Variants in PCDH7 observed in about 807,000 individuals in gnomAD.
PCDH7 encodes protocadherin-7.
A neutral mutation model predicts 58.9 loss-of-function variants in PCDH7; 17 were observed. The observed-to-expected ratio is 0.29, with a 90% CI of 0.20 to 0.43. The LOEUF is 0.43. PCDH7 is among the 20% of genes least tolerant of loss of function. PCDH7 has a pLI of 1.00. For missense variants in PCDH7, 1,274 were observed against 1,441.0 expected, an observed-to-expected ratio of 0.88 and a Z score of 1.88; for synonymous variants, 664 against 616.4, an observed-to-expected ratio of 1.08 and a Z score of -1.14.
intron 1 of PCDH7, among the ~76,000 whole-genome samples, chr4:30,750,625 A>G (rs1718383866): frequency 6.6e-6 from 1 of 152,182 alleles, no homozygotes; most frequent in Admixed American, 6.5e-5. Flanking sequence ...TTTGCTCACC[A>G]TAATAAAACA....
At chr4:31,086,050 AG>A (rs1403426670) in intron 3 of PCDH7, among the ~76,000 whole-genome samples, 1 of 152,178 alleles carries the variant, frequency 6.6e-6, no homozygotes, top group African/African-American at 2.4e-5. Flanking sequence ...CAGGAAACTG[AG>A]GGCTTTGAAT....
intron 1 of PCDH7, among the ~76,000 whole-genome samples, chr4:30,912,489 G>T (rs1428134239): frequency 6.6e-6 from 1 of 152,118 alleles, no homozygotes; most frequent in African/African-American, 2.4e-5. Flanking sequence ...CTGTTTGATG[G>T]ACATAACTAA....
chr4:30,763,390 C>A (rs905062414), intron 1 of PCDH7, among the ~76,000 whole-genome samples: 1 of 152,084 alleles, frequency 6.6e-6, no homozygotes, highest in Non-Finnish European at 1.5e-5. Flanking sequence ...GATGATTCAC[C>A]ACAGTGATCT....
chr4:31,079,672 A>C (rs569922122), intron 3 of PCDH7, among the ~76,000 whole-genome samples: 1 of 151,964 alleles, frequency 6.6e-6, no homozygotes, highest in African/African-American at 2.4e-5. Context: ...ATCACATCCC[A>C]TAACACATTA....
At chr4:30,864,432 A>AACACACACAC (rs5857208) in intron 1 of PCDH7, among the ~76,000 whole-genome samples, 10,126 of 146,568 alleles carry the variant, frequency 0.069, 399 homozygotes, top group Non-Finnish European at 0.091. Context: ...ATTATTGGAG[A>AACACACACAC]ACACACACAC....
chr4:30,756,300 C>T (rs1454451853), intron 1 of PCDH7, among the ~76,000 whole-genome samples: 1 of 152,028 alleles, frequency 6.6e-6, no homozygotes, highest in African/African-American at 2.4e-5. Flanking sequence ...ATGACCCAGA[C>T]ACCTCCCACT....
At chr4:30,908,036 G>C (rs1395247614) in intron 1 of PCDH7, among the ~76,000 whole-genome samples, 1 of 152,068 alleles carries the variant, frequency 6.6e-6, no homozygotes, top group Non-Finnish European at 1.5e-5. Flanking sequence ...ACTTGTAGGT[G>C]GGAGTTAAAC....
chr4:30,984,850 A>G (rs1169054091), intron 3 of PCDH7, among the ~76,000 whole-genome samples: 2 of 152,188 alleles, frequency 1.3e-5, no homozygotes, highest in Non-Finnish European at 2.9e-5. Flanking sequence ...AAATATGTGT[A>G]AAGAGAAATG....
chr4:30,781,859 T>G (rs2109289743), intron 1 of PCDH7, among the ~76,000 whole-genome samples: 1 of 152,256 alleles, frequency 6.6e-6, no homozygotes, highest in Admixed American at 6.5e-5. Context: ...CTTATGTAGC[T>G]AATCAGTGGT....
intron 1 of PCDH7, among the ~76,000 whole-genome samples, chr4:30,763,897 T>G (rs1271201398): frequency 6.6e-6 from 1 of 152,294 alleles, no homozygotes; most frequent in East Asian, 1.9e-4. Context: ...AAAATGAAAC[T>G]GAGAAACAAG....
intron 1 of PCDH7, among the ~76,000 whole-genome samples, chr4:30,844,238 C>A (rs186493980): frequency 9.9e-5 from 15 of 152,264 alleles, no homozygotes; most frequent in Non-Finnish European, 2.1e-4. Context: ...ACAATACGAT[C>A]CCAAACTAAG....
chr4:30,905,153 G>C (rs563460424), intron 1 of PCDH7, among the ~76,000 whole-genome samples: 1 of 152,162 alleles, frequency 6.6e-6, no homozygotes, highest in Non-Finnish European at 1.5e-5. Flanking sequence ...TGGGACAATT[G>C]ATTCCAATGC....
At chr4:31,021,777 A>C (rs1313493565) in intron 3 of PCDH7, among the ~76,000 whole-genome samples, 1 of 152,112 alleles carries the variant, frequency 6.6e-6, no homozygotes, top group African/African-American at 2.4e-5. Flanking sequence ...AAGGTGAGTA[A>C]ATATGGTCTA....
intron 3 of PCDH7, among the ~76,000 whole-genome samples, chr4:30,952,525 A>C (rs1479259993): frequency 6.6e-6 from 1 of 152,118 alleles, no homozygotes; most frequent in Middle Eastern, 3.2e-3. Context: ...AAGGTGAATT[A>C]GGAGTAACAA....
At chr4:30,797,042 C>G (rs1259659306) in intron 1 of PCDH7, among the ~76,000 whole-genome samples, 1 of 151,774 alleles carries the variant, frequency 6.6e-6, no homozygotes, top group East Asian at 2.0e-4. Context: ...CTCACTGCAA[C>G]CTCCGCCTCT....
At chr4:30,903,885 AG>A (rs1460130799) in intron 1 of PCDH7, among the ~76,000 whole-genome samples, 2 of 152,156 alleles carry the variant, frequency 1.3e-5, no homozygotes, top group Non-Finnish European at 2.9e-5. Flanking sequence ...TACATGTAAA[AG>A]TAAGACTATA....
At chr4:30,741,271 G>A (rs1215248808) in intron 1 of PCDH7, among the ~76,000 whole-genome samples, 1 of 150,582 alleles carries the variant, frequency 6.6e-6, no homozygotes, top group Non-Finnish European at 1.5e-5. Context: ...TTTTAGAGCC[G>A]AGTGTGTCAC....
intron 1 of PCDH7, among the ~76,000 whole-genome samples, chr4:30,848,287 T>C (rs1207650297): frequency 6.6e-6 from 1 of 152,112 alleles, no homozygotes; most frequent in Non-Finnish European, 1.5e-5. Context: ...AAATTTAAGG[T>C]ACTCTGTGTA....
At chr4:30,860,390 T>C (rs968715804) in intron 1 of PCDH7, among the ~76,000 whole-genome samples, 2 of 151,102 alleles carry the variant, frequency 1.3e-5, no homozygotes, top group Admixed American at 6.6e-5. Context: ...AGAGAGGACA[T>C]TGGCAAGTGT....
Sources: gnomAD v4.1 joint callset for allele counts (sites outside exome capture counted in the v4.1 genomes callset) on GRCh38, gnomAD v4.1.1 for gene constraint, MANE v1.5 for transcripts, NCBI Gene and HGNC (gene_info 2026-07-23, HGNC 2026-07-21) for gene names.